MTFR1: variants seen among roughly 807,000 people sequenced by gnomAD.
MTFR1 encodes the protein mitochondrial fission regulator 1.
A neutral mutation model predicts 38.8 loss-of-function variants in MTFR1; 28 were observed. The observed-to-expected ratio is 0.72, with a 90% confidence interval of 0.53 to 0.99. The LOEUF is 0.99. MTFR1 is among the 50% of genes least tolerant of loss of function. The probability of loss-of-function intolerance (pLI) is 0.00; values close to 1 mark genes in which losing one functional copy is unlikely to be tolerated. For synonymous variants in MTFR1, 145 were observed against 137.0 expected (o/e 1.06, Z -0.41); for missense variants, 358 against 395.5 (o/e 0.91, Z 0.81).
In MTFR1 at chr8:65,703,076, C is replaced by T. The variant is rs541279840; in HGVS notation, c.282-1618C>T. Among the ~76,000 whole-genome samples, 133 of 147,548 alleles carry T rather than the reference C, an allele frequency of 9.0e-4. 4 individuals are homozygous for T. The highest frequency in any genetic ancestry group is 2.7e-4 in the Admixed American group (4 of 14,664). ...TAAGAAACATCAGTTAACTGTTAAA[C>T]GTTTAAGGTAATGGAAAAAAAAAAA... On this transcript the variant is annotated intron_variant, in intron 4 of 7. Transcript: ENST00000262146.
intron 3 of MTFR1, among the ~76,000 whole-genome samples, chr8:65,733,037 TATG>T (rs1806965250): frequency 6.6e-6 from 1 of 152,196 alleles, no homozygotes; most frequent in Non-Finnish European, 1.5e-5. Flanking sequence ...AAATGTTCAC[TATG>T]ATAAGGGAGA....
intron 4 of MTFR1, among the ~76,000 whole-genome samples, chr8:65,694,136 G>A (rs954954465): frequency 1.3e-5 from 2 of 148,702 alleles, no homozygotes; most frequent in African/African-American, 2.5e-5. Context: ...GTGCAGTGGC[G>A]TGATCTCGGC....
intron 3 of MTFR1, among the ~76,000 whole-genome samples, chr8:65,736,118 TTAAAA>T (rs1807117990): frequency 1.3e-5 from 2 of 152,244 alleles, no homozygotes; most frequent in South Asian, 2.1e-4. Context: ...TTAACAATAA[TTAAAA>T]TAAAATAGAA....
chr8:65,750,494 GTGTGTGTGTC>G (rs1375786057), intron 3 of MTFR1, among the ~76,000 whole-genome samples: 89 of 144,840 alleles, frequency 6.1e-4, no homozygotes, highest in Admixed American at 1.1e-3. Context: ...GTGTGTGTGT[GTGTGTGTGTC>G]TGTGTGTGTC....
chr8:65,659,443 T>TTC (rs1161325550), intron 1 of MTFR1, among the ~76,000 whole-genome samples: 3 of 149,098 alleles, frequency 2.0e-5, no homozygotes, highest in Non-Finnish European at 4.4e-5. Flanking sequence ...TTTTTTTTTT[T>TTC]CAATCCCTGA....
chr8:65,739,068 A>G (rs117344588), intron 3 of MTFR1, among the ~76,000 whole-genome samples: 6,136 of 152,326 alleles, frequency 0.04, 181 homozygotes, highest in Non-Finnish European at 0.062. Context: ...CGGCCTGGGG[A>G]TATCAGCTCT....
rs1394633744 is a variant in MTFR1 at position 65,726,879 on chromosome 8, T to C, written c.*48+7398T>C. The stretch of plus-strand genomic sequence containing the variant: ...ATTTGTCTTAATCCAACCTACCTGC[T>C]TTCTAATGGCAGATGTGAGAATAAG... On this transcript the variant is annotated intron_variant, in intron 3 of 3. Coordinates refer to the MTFR1 transcript ENST00000521247. 1.3e-6 allele frequency: 2 copies of C among 1,568,490 alleles called. No homozygotes were observed. The highest frequency in any genetic ancestry group is 1.8e-6 in the Non-Finnish European group (2 of 1,141,090).
intron 3 of MTFR1, among the ~76,000 whole-genome samples, chr8:65,732,037 C>T (rs147430153): frequency 6.6e-4 from 100 of 152,010 alleles, no homozygotes; most frequent in African/African-American, 2.3e-3. Context: ...TTCACTCTGT[C>T]GCCCAGGCTG....
At chr8:65,683,171 T>G (rs1173925210) in intron 3 of MTFR1, among the ~76,000 whole-genome samples, 1 of 150,308 alleles carries the variant, frequency 6.7e-6, no homozygotes, top group East Asian at 1.9e-4. Context: ...TCTTGCCTGT[T>G]GCCAGGCTGG....
chr8:65,769,076 C>T (rs199783630), intron 3 of MTFR1, among the ~76,000 whole-genome samples: 4 of 151,784 alleles, frequency 2.6e-5, no homozygotes, highest in Non-Finnish European at 4.4e-5. Flanking sequence ...GGTGAAACCC[C>T]GTCTCTACTA....
At chr8:65,750,480 GTGTGTGTGTGTGTGTGTGTGTGTC>G (rs913591019) in intron 3 of MTFR1, among the ~76,000 whole-genome samples, 2 of 133,580 alleles carry the variant, frequency 1.5e-5, no homozygotes, top group Admixed American at 7.9e-5. Context: ...ATCACTGTGT[GTGTGTGTGTGTGTGTGTGTGTGTC>G]TGTGTGTGTC....
chr8:65,689,736 GA>G lies in MTFR1; in HGVS notation c.166-3905del, dbSNP rs1422485555. ...GTACTTTACTAAGTGCATTGTCCTGGAAATTGTCCTTTGCATCCCATGCCTG... is the reference window on the plus strand; with the variant it reads ...GTACTTTACTAAGTGCATTGTCCTGGAATTGTCCTTTGCATCCCATGCCTG... On this transcript the variant is annotated intron_variant, in intron 3 of 7. Transcript: ENST00000262146. 7 of 357,258 alleles carry G rather than the reference GA, an allele frequency of 2.0e-5. No homozygotes were observed. The Admixed American group carries it at 3.7e-4, about 19-fold the overall frequency. The allele number at this position is 357,258 out of a possible 1,614,324, so 22.1% of individuals were successfully genotyped here. A position where few individuals can be genotyped will look rare whatever the true frequency, so the allele number is the denominator to read the frequency against.
chr8:65,695,804 A>C (rs966598524), intron 4 of MTFR1, among the ~76,000 whole-genome samples: 16 of 152,190 alleles, frequency 1.1e-4, no homozygotes, highest in African/African-American at 3.6e-4. Flanking sequence ...ATTGGTAAGG[A>C]AGGCCTATAC....
At chr8:65,689,203 G>A (rs1274769608) in intron 3 of MTFR1, among the ~76,000 whole-genome samples, 1 of 152,202 alleles carries the variant, frequency 6.6e-6, no homozygotes, top group Non-Finnish European at 1.5e-5. Context: ...ACAAATGGTA[G>A]TAAACTAGAA....
At chr8:65,739,575 G>A in intron 3 of MTFR1, 1 of 1,549,352 alleles carries the variant, frequency 6.5e-7, no homozygotes, top group Non-Finnish European at 8.7e-7. Flanking sequence ...ATAAATGAAA[G>A]GTTAAGCTTA....
At chr8:65,727,826 CTG>C (rs975124037) in intron 3 of MTFR1, 1 of 152,242 alleles carries the variant, frequency 6.6e-6, no homozygotes, top group Non-Finnish European at 1.5e-5. Context: ...TATGTCAAGT[CTG>C]TGATAAAATC....
At chr8:65,744,448 C>T (rs1807581518) in intron 3 of MTFR1, among the ~76,000 whole-genome samples, 2 of 152,148 alleles carry the variant, frequency 1.3e-5, no homozygotes, top group African/African-American at 4.8e-5. Context: ...GTTCCTTTTC[C>T]TACAGAACAT....
rs192114744 is a variant in MTFR1 at position 65,648,167 on chromosome 8, C to G, written c.-81+3383C>G. On this transcript the variant is annotated intron_variant, in intron 1 of 7. Transcript: ENST00000262146. ...GAGTAGCTGGGACTACAGGCGCCCG[C>G]CACTAAGCCCGGCTAATTTTTTCTA... 4.8e-3 allele frequency among the ~76,000 whole-genome samples: 724 copies of G among 152,244 alleles called. 5 individuals are homozygous for G. Among genetic ancestry groups the G allele is most frequent in the African/African-American group, 0.016 (673 of 41,526 alleles).
intron 5 of MTFR1, among the ~76,000 whole-genome samples, chr8:65,706,371 C>T (rs1321573676): frequency 1.3e-5 from 2 of 152,172 alleles, no homozygotes; most frequent in East Asian, 1.9e-4. Flanking sequence ...ACTTTCTAAC[C>T]TCCAGTTATG....
Sources: allele counts gnomAD v4.1 joint callset (sites outside exome capture counted in the v4.1 genomes callset), GRCh38; gene constraint gnomAD v4.1.1; transcripts MANE v1.5; gene names NCBI Gene and HGNC (gene_info 2026-07-23, HGNC 2026-07-21).